The following KCNA10 variants were observed in gnomAD, a reference collection of about 807,000 sequenced individuals.
The protein encoded by KCNA10 is cyclic GMP gated potassium channel.
Under a neutral mutation model 21.4 loss-of-function variants are expected in KCNA10, and 16 were observed. That is an observed-to-expected ratio of 0.75 (90% CI 0.51 to 1.14). The LOEUF is 1.14. KCNA10 is among the 50% of genes most tolerant of loss of function. The pLI is 0.00. For synonymous variants in KCNA10, 276 were observed against 245.9 expected (o/e 1.12, Z -1.15); for missense variants, 677 against 649.1 (o/e 1.04, Z -0.47).
rs202012464 is a variant in KCNA10 at position 110,517,369 on chromosome 1, C to T, written c.1419G>A (p.Lys473=). 9 of 1,614,014 alleles carry T rather than the reference C, an allele frequency of 5.6e-6. No homozygotes were observed. Among genetic ancestry groups the T allele is most frequent in the Admixed American group, 1.7e-5 (1 of 60,002 alleles). ...TTTCAATTTCTCCTGGGATGTTCTGCTTTTCTTCATTCTCAGTCTCCCGGT... is the reference window on the plus strand; with the variant it reads ...TTTCAATTTCTCCTGGGATGTTCTGTTTTTCTTCATTCTCAGTCTCCCGGT... ...FYHRETENEE[K]QNIPGEIERI... is the part of the protein sequence containing the mutation. The change falls in exon 1 of 1, where the codon AAG becomes AAA. Residue 473 remains lysine (K), a synonymous_variant. Transcript: ENST00000369771.
chr1:110,518,885 G>T lies in KCNA10; in HGVS notation c.-98C>A. Reference sequence around the variant, plus strand: ...AGTTCATTATACAAGATCCAGGGCAGAATACAACTGGCCCTTGTTTATTGA... The same window carrying T: ...AGTTCATTATACAAGATCCAGGGCATAATACAACTGGCCCTTGTTTATTGA... On this transcript the variant is annotated 5_prime_UTR_variant, in exon 1 of 1. The change creates a new upstream start codon in the 5' untranslated region. Transcript: ENST00000369771. 2 of 1,028,012 alleles carry T rather than the reference G, an allele frequency of 1.9e-6. No individual in the cohort carries two copies. Among genetic ancestry groups the T allele is most frequent in the Non-Finnish European group, 2.8e-6 (2 of 716,190 alleles). The allele number at this position is 1,028,012 out of a possible 1,614,324, so 63.7% of individuals were successfully genotyped here.
chr1:110,517,222 A>T lies in KCNA10; in HGVS notation c.*30T>A. The T allele has an allele frequency of 6.7e-7, 1 of 1,496,504 alleles. No homozygotes were observed. Among genetic ancestry groups the T allele is most frequent in the Non-Finnish European group, 9.2e-7 (1 of 1,083,094 alleles). The allele number at this position is 1,496,504 out of a possible 1,614,324, so 92.7% of individuals were successfully genotyped here. A position where few individuals can be genotyped will look rare whatever the true frequency, so the allele number is the denominator to read the frequency against. ...GAGAGAGAGAGAAGAGAGAAGAGAGACAGGATGGACCCAAGAAGCCCTGGA... is the reference window on the plus strand; with the variant it reads ...GAGAGAGAGAGAAGAGAGAAGAGAGTCAGGATGGACCCAAGAAGCCCTGGA... On this transcript the variant is annotated 3_prime_UTR_variant, in exon 1 of 1. Coordinates refer to ENST00000369771, the MANE Select transcript of KCNA10 (RefSeq NM_005549.2).
rs370455162 is a variant in KCNA10, at chr1:110,517,758, G to A, written c.1030C>T (p.Arg344Cys). 1.7e-5 allele frequency: 28 copies of A among 1,614,052 alleles called. No homozygotes were observed. In the African/African-American group the frequency reaches 1.9e-4, roughly 11 times the overall value. ...AAGATGCGGAAGACCCTCACCAGGC[G>A]GATGATCCTCAGGATGGCCAGGGAC... ...NMSLAILRII[R>C]LVRVFRIFKL... Residue 344 changes from arginine (R) to cysteine (C), a missense_variant, in exon 1 of 1, where the codon CGC (arginine) becomes TGC (cysteine). Physicochemically the swap from Arg to Cys is radical, Grantham distance 180. Transcript: ENST00000369771.
rs369495134 is a variant in KCNA10, at chr1:110,517,577, T to C, written c.1211A>G (p.His404Arg). ...YFAEVDEPES[H>R]FSSIPDGFWW... ...GAAGCCATCAGGAATGCTAGAGAAA[T>C]GGGACTCTGGCTCATCCACCTCAGC... Residue 404 changes from histidine to arginine, a missense_variant, in exon 1 of 1, where the codon CAT becomes CGT. Transcript: ENST00000369771. 1.9e-6 allele frequency: 3 copies of C among 1,613,948 alleles called. No homozygotes were observed. In the African/African-American group the frequency reaches 4.0e-5, roughly 22 times the overall value.
In KCNA10 at chr1:110,518,095, G is replaced by C; in HGVS notation, c.693C>G (p.Thr231=). ...CTGGCAGTGTCTCCAGGCAGAAGAT[G>C]GTGATGGAGATGACCACAACCAACA... ...VSVLVVVISI[T]IFCLETLPEF... is the part of the protein sequence containing the mutation. Residue 231 remains threonine, a synonymous_variant, in exon 1 of 1, where the codon ACC becomes ACG. Transcript: ENST00000369771. The C allele has an allele frequency of 6.2e-7, 1 of 1,613,636 alleles. No homozygotes were observed. Among genetic ancestry groups the C allele is most frequent in the East Asian group, 2.2e-5 (1 of 44,798 alleles).
Position 110,518,173 on chromosome 1 carries a change from G to A in KCNA10, c.615C>T (p.Leu205=). The A allele has an allele frequency of 6.2e-7, 1 of 1,613,820 alleles. No individual in the cohort carries two copies. Among genetic ancestry groups the A allele is most frequent in the Non-Finnish European group, 8.5e-7 (1 of 1,179,998 alleles). Residue 205 remains leucine (L), a synonymous_variant, in exon 1 of 1, where the codon CTC becomes CTT. Coordinates refer to ENST00000369771, the MANE Select transcript of KCNA10 (RefSeq NM_005549.2). The stretch of plus-strand genomic sequence containing the variant: ...CGCTGGAACTTTCAGGGTACTCAAA[G>A]AGGAGCCAGAACTGACGGTGGATGT... ...TNDIHRQFWL[L]FEYPESSSAA... is the part of the protein sequence containing the mutation.
Position 110,518,204 on chromosome 1 carries a change from G to T in KCNA10, c.584C>A (p.Thr195Asn). ...FIKDPETLLPTNDIHRQFWLL... is the reference protein window; with the variant it reads ...FIKDPETLLPNNDIHRQFWLL... ...CCAGAACTGACGGTGGATGTCATTG[G>T]TGGGTAGCAGTGTTTCAGGGTCTTT... The change falls in exon 1 of 1, where the codon ACC becomes AAC. Residue 195 changes from threonine (T) to asparagine (N), a missense_variant. Thr to Asn is a moderately conservative substitution (Grantham distance 65). Transcript: ENST00000369771. The T allele has an allele frequency of 6.2e-7, 1 of 1,613,852 alleles. No homozygotes were observed. Among genetic ancestry groups the T allele is most frequent in the Non-Finnish European group, 8.5e-7 (1 of 1,179,994 alleles).
Position 110,518,773 on chromosome 1 carries a change from G to A in KCNA10, c.15C>T (p.Gly5=). 1.3e-6 allele frequency: 2 copies of A among 1,575,788 alleles called. No homozygotes were observed. The highest frequency in any genetic ancestry group is 1.7e-6 in the Non-Finnish European group (2 of 1,157,600). MDVC[G]WKEMEVALVN... The stretch of plus-strand genomic sequence containing the variant: ...CCAGCGCAACCTCCATTTCTTTCCA[G>A]CCACACACATCCATTCTAGGGGAGC... Residue 5 remains glycine (G), a synonymous_variant, in exon 1 of 1, where the codon GGC becomes GGT. Coordinates refer to ENST00000369771, the MANE Select transcript of KCNA10 (RefSeq NM_005549.2).
chr1:110,518,752 C>T lies in KCNA10; in HGVS notation c.36G>A (p.Ala12=), dbSNP rs778962129. The change falls in exon 1 of 1, where the codon GCG becomes GCA. Residue 12 remains alanine, a synonymous_variant. Coordinates refer to ENST00000369771, the MANE Select transcript of KCNA10 (RefSeq NM_005549.2). ...DVCGWKEMEV[A]LVNFDNSDEI... Reference sequence around the variant, plus strand: ...CATCTGAATTATCAAAATTGACCAGCGCAACCTCCATTTCTTTCCAGCCAC... The same window carrying T: ...CATCTGAATTATCAAAATTGACCAGTGCAACCTCCATTTCTTTCCAGCCAC... 5.9e-5 allele frequency: 95 copies of T among 1,597,624 alleles called. No homozygotes were observed. The highest frequency in any genetic ancestry group is 1.5e-4 in the African/African-American group (11 of 74,362).
At position 110,517,472 on chromosome 1, in the gene KCNA10, G is replaced by A. The variant is rs1364910635; in HGVS notation, c.1316C>T (p.Thr439Ile). The change falls in exon 1 of 1, where the codon ACT (threonine) becomes ATT (isoleucine). Residue 439 changes from threonine to isoleucine, a missense_variant. Coordinates refer to ENST00000369771, the MANE Select transcript of KCNA10 (RefSeq NM_005549.2). ...GAGGACCCCTGCAATGGCACACAGA[G>A]TGCCCACAATCTTCCCCCCTGGGGT... is the stretch of plus-strand genomic sequence containing the variant. ...PTTPGGKIVG[T>I]LCAIAGVLTI... is the part of the protein sequence containing the mutation. The A allele has an allele frequency of 4.3e-6, 7 of 1,614,062 alleles. No homozygotes were observed. In the African/African-American group the frequency reaches 8.0e-5, roughly 18 times the overall value.
chr1:110,519,147 T>G lies in KCNA10; in HGVS notation c.-360A>C. 5.2e-6 allele frequency: 1 copy of G among 191,654 alleles called. No homozygotes were observed. Among genetic ancestry groups the G allele is most frequent in the East Asian group, 1.6e-4 (1 of 6,406 alleles). The allele number at this position is 191,654 out of a possible 1,614,324, so 11.9% of individuals were successfully genotyped here. A position where few individuals can be genotyped will look rare whatever the true frequency, so the allele number is the denominator to read the frequency against. ...GCCATACTAAAAGAGGAAGTTAACATTCCTTAATAATAAAAAGCATGATCT... is the reference window on the plus strand; with the variant it reads ...GCCATACTAAAAGAGGAAGTTAACAGTCCTTAATAATAAAAAGCATGATCT... On this transcript the variant is annotated 5_prime_UTR_variant, in exon 1 of 1. It removes an upstream start codon present in the reference 5' UTR. Transcript: ENST00000369771.
In KCNA10 at chr1:110,518,516, T is replaced by C. The variant is rs371428121; in HGVS notation, c.272A>G (p.Asn91Ser). Residue 91 changes from asparagine to serine, a missense_variant, in exon 1 of 1, where the codon AAC (asparagine) becomes AGC (serine). Transcript: ENST00000369771. Reference protein sequence around the residue: ...LNEGNQRVIINIAGLRFETQL... With the variant: ...LNEGNQRVIISIAGLRFETQL... ...GGTCTCAAATCTCAGCCCAGCAATG[T>C]TGATGATCACCCGCTGGTTTCCTTC... 3 of 1,614,100 alleles carry C rather than the reference T, an allele frequency of 1.9e-6. No homozygotes were observed. Among genetic ancestry groups the C allele is most frequent in the African/African-American group, 1.3e-5 (1 of 74,928 alleles).
chr1:110,518,235 A>G lies in KCNA10; in HGVS notation c.553T>C (p.Phe185Leu), dbSNP rs201185927. ...AGCAGTGTTTCAGGGTCTTTGATGA[A>G]GCCTTCATCCTCCCGGAACTGGTCC... ...AMDQFREDEG[F>L]IKDPETLLPT... is the part of the protein sequence containing the mutation. Residue 185 changes from phenylalanine to leucine, a missense_variant, in exon 1 of 1, where the codon TTC becomes CTC. Transcript: ENST00000369771. The G allele has an allele frequency of 1.5e-5, 25 of 1,613,936 alleles. No homozygotes were observed. In the East Asian group the frequency reaches 5.6e-4, roughly 36 times the overall value.
At position 110,517,544 on chromosome 1, in the gene KCNA10, G is replaced by A. The variant is rs1222096066; in HGVS notation, c.1244C>T (p.Ala415Val). Residue 415 changes from alanine to valine, a missense_variant, in exon 1 of 1, where the codon GCA becomes GTA. Coordinates refer to ENST00000369771, the MANE Select transcript of KCNA10 (RefSeq NM_005549.2). ...FSSIPDGFWWAVVTMTTVGYG... is the reference protein window; with the variant it reads ...FSSIPDGFWWVVVTMTTVGYG... Reference sequence around the variant, plus strand: ...GCCTACAGTTGTCATGGTGACCACTGCCCACCAGAAGCCATCAGGAATGCT... The same window carrying A: ...GCCTACAGTTGTCATGGTGACCACTACCCACCAGAAGCCATCAGGAATGCT... The A allele has an allele frequency of 6.2e-7, 1 of 1,614,204 alleles. No individual in the cohort carries two copies. The highest frequency in any genetic ancestry group is 8.5e-7 in the Non-Finnish European group (1 of 1,180,044).
rs144774548 is a variant in KCNA10 at position 110,518,300 on chromosome 1, G to A, written c.488C>T (p.Ala163Val). The A allele has an allele frequency of 6.2e-7, 1 of 1,614,102 alleles. No homozygotes were observed. Among genetic ancestry groups the A allele is most frequent in the East Asian group, 2.2e-5 (1 of 44,898 alleles). The change falls in exon 1 of 1, where the codon GCT (alanine) becomes GTT (valine). Residue 163 changes from alanine to valine, a missense_variant. Transcript: ENST00000369771. Reference protein sequence around the residue: ...RPANVPIDIFADEISFYELGS... With the variant: ...RPANVPIDIFVDEISFYELGS... ...CAGCTCATAGAAGGAGATTTCATCA[G>A]CAAAGATATCAATGGGAACATTGGC...
In KCNA10 at chr1:110,518,391, G is replaced by T. The variant is rs773174747; in HGVS notation, c.397C>A (p.Arg133=). Residue 133 remains arginine (R), a synonymous_variant, in exon 1 of 1, where the codon CGG becomes AGG. Coordinates refer to ENST00000369771, the MANE Select transcript of KCNA10 (RefSeq NM_005549.2). ...ATTCCATCAAAACTGGGCCGGTTCC[G>T]ATCAAAGAAATACTCATTTCTCATG... The part of the protein sequence containing the change: ...DSMRNEYFFD[R]NRPSFDGILY... 1 of 1,614,178 alleles carries T rather than the reference G, an allele frequency of 6.2e-7. No homozygotes were observed. The highest frequency in any genetic ancestry group is 1.1e-5 in the South Asian group (1 of 91,084).
At position 110,518,749 on chromosome 1, in the gene KCNA10, C is replaced by T. The variant is rs754933508; in HGVS notation, c.39G>A (p.Leu13=). Residue 13 remains leucine, a synonymous_variant, in exon 1 of 1, where the codon CTG becomes CTA. Coordinates refer to ENST00000369771, the MANE Select transcript of KCNA10 (RefSeq NM_005549.2). Reference sequence around the variant, plus strand: ...TTTCATCTGAATTATCAAAATTGACCAGCGCAACCTCCATTTCTTTCCAGC... The same window carrying T: ...TTTCATCTGAATTATCAAAATTGACTAGCGCAACCTCCATTTCTTTCCAGC... ...VCGWKEMEVA[L]VNFDNSDEIQ... 4.6e-5 allele frequency: 73 copies of T among 1,602,900 alleles called. No individual in the cohort carries two copies. The highest frequency in any genetic ancestry group is 5.1e-5 in the Non-Finnish European group (60 of 1,173,274).
Position 110,518,909 on chromosome 1 carries a change from G to A in KCNA10, c.-122C>T, listed in dbSNP as rs908708375. Reference sequence around the variant, plus strand: ...AGAATACAACTGGCCCTTGTTTATTGAGGTAAGGTACACCAATGGGCTAAT... The same window carrying A: ...AGAATACAACTGGCCCTTGTTTATTAAGGTAAGGTACACCAATGGGCTAAT... On this transcript the variant is annotated 5_prime_UTR_variant, in exon 1 of 1. Transcript: ENST00000369771. 4.9e-6 allele frequency: 4 copies of A among 813,914 alleles called. No homozygotes were observed. Among genetic ancestry groups the A allele is most frequent in the African/African-American group, 3.5e-5 (2 of 57,782 alleles). The allele number at this position is 813,914 out of a possible 1,614,324, so 50.4% of individuals were successfully genotyped here. A position where few individuals can be genotyped will look rare whatever the true frequency, so the allele number is the denominator to read the frequency against.
chr1:110,518,562 G>A lies in KCNA10; in HGVS notation c.226C>T (p.Pro76Ser). The A allele has an allele frequency of 1.9e-6, 3 of 1,614,152 alleles. No homozygotes were observed. Among genetic ancestry groups the A allele is most frequent in the Non-Finnish European group, 2.5e-6 (3 of 1,180,044 alleles). Residue 76 changes from proline to serine, a missense_variant, in exon 1 of 1, where the codon CCT becomes TCT. Physicochemically the swap from Pro to Ser is moderately conservative, Grantham distance 74 (BLOSUM62 -1). Coordinates refer to ENST00000369771, the MANE Select transcript of KCNA10 (RefSeq NM_005549.2). ...CCTTCATTTAGGACCACTGGCTCAG[G>A]CCCTGGGGGGTCAGCATAGTCTCCC... Reference protein sequence around the residue: ...LPGDYADPPGPEPVVLNEGNQ... With the variant: ...LPGDYADPPGSEPVVLNEGNQ...
Sources: gnomAD v4.1 joint callset for allele counts on GRCh38, gnomAD v4.1.1 for gene constraint, MANE v1.5 for transcripts, NCBI Gene and HGNC (gene_info 2026-07-23, HGNC 2026-07-21) for gene names.